LCOR: variants seen among roughly 807,000 people sequenced by gnomAD.
LCOR encodes ligand-dependent corepressor.
A neutral mutation model predicts 64.4 loss-of-function variants in LCOR; 14 were observed. That is an observed-to-expected ratio of 0.22 (90% CI 0.14 to 0.34). The LOEUF (loss-of-function observed/expected upper bound fraction) is 0.34, where lower values mean the gene tolerates loss of function less well. Among genes scored for constraint, LCOR ranks in the 10% least tolerant of loss-of-function variants. The probability of loss-of-function intolerance (pLI) is 1.00; values close to 1 mark genes in which losing one functional copy is unlikely to be tolerated. For missense variants in LCOR, 1,686 were observed against 1,765.3 expected, an observed-to-expected ratio of 0.96 and a Z score of 0.80; for synonymous variants, 643 against 642.5, an observed-to-expected ratio of 1.00 and a Z score of -0.01.
intron 4 of LCOR, among the ~76,000 whole-genome samples, chr10:96,912,589 G>T (rs1396220737): frequency 8.6e-6 from 1 of 116,936 alleles, no homozygotes; most frequent in African/African-American, 3.9e-5. Flanking sequence ...TTTTCTGTAA[G>T]ATCTTCCTTT....
At chr10:96,919,305 C>T (rs971232307) in intron 4 of LCOR, among the ~76,000 whole-genome samples, 4 of 152,110 alleles carry the variant, frequency 2.6e-5, no homozygotes, top group Non-Finnish European at 5.9e-5. Context: ...TCTTTCTGCC[C>T]ATGAGTGTAG....
chr10:96,889,893 C>A (rs1467138079), intron 2 of LCOR, among the ~76,000 whole-genome samples: 1 of 152,084 alleles, frequency 6.6e-6, no homozygotes, highest in Non-Finnish European at 1.5e-5. Flanking sequence ...TTTGTTTGAA[C>A]ACCTGTTTTC....
At chr10:96,955,959 T>G (rs1847765467) in intron 7 of LCOR, 1 of 1,578,900 alleles carries the variant, frequency 6.3e-7, no homozygotes. Context: ...ACAAACTGGG[T>G]GAGCACTACT....
chr10:96,886,870 CTT>C (rs1226326096), intron 2 of LCOR, among the ~76,000 whole-genome samples: 2 of 152,162 alleles, frequency 1.3e-5, no homozygotes, highest in Non-Finnish European at 2.9e-5. Context: ...ACTTTATACT[CTT>C]TTACTCAGCA....
chr10:96,897,595 T>C (rs956886854), intron 2 of LCOR, among the ~76,000 whole-genome samples: 1 of 152,234 alleles, frequency 6.6e-6, no homozygotes, highest in Admixed American at 6.5e-5. Context: ...TATGGCATTA[T>C]GTATGTAAAT....
In LCOR at chr10:96,982,621, G is replaced by C. The variant is rs1253877640; in HGVS notation, c.2161G>C (p.Gly721Arg). 2 of 1,614,026 alleles carry C rather than the reference G, an allele frequency of 1.2e-6. No individual in the cohort carries two copies. Among genetic ancestry groups the C allele is most frequent in the Non-Finnish European group, 1.7e-6 (2 of 1,180,044 alleles). Residue 721 changes from glycine (G) to arginine (R), a missense_variant, in exon 8 of 8, where the codon GGA becomes CGA. Physicochemically the swap from Gly to Arg is moderately radical, Grantham distance 125. Coordinates refer to ENST00000421806, the MANE Select transcript of LCOR (RefSeq NM_001346516.2). ...PMGLEPPMSL[G>R]KAEDNQSISA... is the part of the protein sequence containing the mutation. Reference sequence around the variant, plus strand: ...GGGCTTGGAGCCCCCCATGAGTCTGGGAAAGGCTGAGGACAACCAAAGCAT... The same window carrying C: ...GGGCTTGGAGCCCCCCATGAGTCTGCGAAAGGCTGAGGACAACCAAAGCAT...
At chr10:96,835,090 G>T (rs1402598106) in intron 2 of LCOR, among the ~76,000 whole-genome samples, 2 of 152,082 alleles carry the variant, frequency 1.3e-5, no homozygotes, top group Non-Finnish European at 2.9e-5. Context: ...TGGTAGAGAC[G>T]GGGTTTCACC....
chr10:96,932,495 C>T (rs978170999), intron 4 of LCOR, among the ~76,000 whole-genome samples: 2 of 151,954 alleles, frequency 1.3e-5, no homozygotes, highest in African/African-American at 2.4e-5. Context: ...GACAGAGTCT[C>T]GCTCTGTTCC....
chr10:96,918,443 G>A (rs1846992759), intron 4 of LCOR, among the ~76,000 whole-genome samples: 1 of 152,152 alleles, frequency 6.6e-6, no homozygotes, highest in South Asian at 2.1e-4. Context: ...GTGGGTGTTG[G>A]TGGGAGTTAA....
chr10:96,955,540 C>T, intron 7 of LCOR: 1 of 1,614,118 alleles, frequency 6.2e-7, no homozygotes, highest in Non-Finnish European at 8.5e-7. Flanking sequence ...ATGTTAGATG[C>T]TGGACCCGAT....
At chr10:96,937,446 A>C (rs1847369886) in intron 4 of LCOR, among the ~76,000 whole-genome samples, 1 of 152,214 alleles carries the variant, frequency 6.6e-6, no homozygotes, top group Non-Finnish European at 1.5e-5. Flanking sequence ...TATTGAGATT[A>C]AATTAGTAAT....
intron 2 of LCOR, among the ~76,000 whole-genome samples, chr10:96,853,716 C>T (rs958101053): frequency 3.3e-5 from 5 of 152,154 alleles, no homozygotes; most frequent in Admixed American, 6.5e-5. Flanking sequence ...CCTGTTACCA[C>T]GTATTTTAGT....
At chr10:96,854,507 A>G (rs1845771454) in intron 2 of LCOR, among the ~76,000 whole-genome samples, 1 of 152,062 alleles carries the variant, frequency 6.6e-6, no homozygotes, top group East Asian at 1.9e-4. Context: ...TTGTATTTTT[A>G]GTAGAGATGG....
chr10:96,933,133 C>T (rs1847291655), intron 4 of LCOR, among the ~76,000 whole-genome samples: 3 of 152,092 alleles, frequency 2.0e-5, no homozygotes, highest in Non-Finnish European at 1.5e-5. Context: ...CAGTGTGAGT[C>T]TCATTTAATT....
At position 96,982,791 on chromosome 10, in the gene LCOR, C is replaced by T. The variant is rs1226905628; in HGVS notation, c.2331C>T (p.Asp777=). 6 of 1,613,812 alleles carry T rather than the reference C, an allele frequency of 3.7e-6. No homozygotes were observed. The highest frequency in any genetic ancestry group is 1.6e-4 in the Middle Eastern group (1 of 6,080). ...GTATAGGAAAATTAGAGGGAGAGGA[C>T]GGTGATGTAAAATGCCTGTCAGAAA... ...AGGIGKLEGE[D]GDVKCLSEKD... Residue 777 remains aspartate (D), a synonymous_variant, in exon 8 of 8, where the codon GAC becomes GAT. Coordinates refer to ENST00000421806, the MANE Select transcript of LCOR (RefSeq NM_001346516.2).
intron 4 of LCOR, among the ~76,000 whole-genome samples, chr10:96,941,548 C>G (rs28514404): frequency 3.2e-3 from 380 of 118,598 alleles, no homozygotes; most frequent in African/African-American, 0.012. Context: ...GCTGACCCCC[C>G]CCACCTCCCT....
At chr10:96,893,155 A>G (rs1223874932) in intron 2 of LCOR, among the ~76,000 whole-genome samples, 1 of 152,180 alleles carries the variant, frequency 6.6e-6, no homozygotes, top group Non-Finnish European at 1.5e-5. Flanking sequence ...TTGAATTAAT[A>G]ACAACTTGGT....
chr10:96,893,350 A>T (rs1846478603), intron 2 of LCOR, among the ~76,000 whole-genome samples: 1 of 152,192 alleles, frequency 6.6e-6, no homozygotes, highest in Admixed American at 6.5e-5. Context: ...TTGCTTCCTA[A>T]CACTTTATAA....
At chr10:96,948,545 C>T (rs1847624729) in intron 5 of LCOR, among the ~76,000 whole-genome samples, 1 of 152,194 alleles carries the variant, frequency 6.6e-6, no homozygotes. Context: ...CTTTTATAAT[C>T]TTGGTATGCC....
Sources: gnomAD v4.1 joint callset for allele counts (sites outside exome capture counted in the v4.1 genomes callset) on GRCh38, gnomAD v4.1.1 for gene constraint, MANE v1.5 for transcripts, NCBI Gene and HGNC (gene_info 2026-07-23, HGNC 2026-07-21) for gene names.